Variants in TTC17 observed in about 807,000 individuals in gnomAD.
The protein encoded by TTC17 is tetratricopeptide repeat protein 17.
In TTC17, 58 loss-of-function variants were observed where a neutral mutation model predicts 143.8. The ratio of observed to expected loss-of-function variants is 0.40; its 90% CI spans 0.33 to 0.50. The LOEUF (loss-of-function observed/expected upper bound fraction) is 0.50. TTC17 is among the 20% of genes least tolerant of loss of function. TTC17 has a pLI of 0.49. For missense variants in TTC17, 1,273 were observed against 1,392.5 expected (o/e 0.91, Z 1.37); for synonymous variants, 501 against 497.8 (o/e 1.01, Z -0.09).
intron 16 of TTC17, among the ~76,000 whole-genome samples, chr11:43,427,310 G>A (rs1393288612): frequency 6.6e-6 from 1 of 152,194 alleles, no homozygotes; most frequent in African/African-American, 2.4e-5. Flanking sequence ...TTGTATGCTT[G>A]TTCTGAGTTT....
intron 13 of TTC17, among the ~76,000 whole-genome samples, chr11:43,406,602 C>CT (rs1487152398): frequency 1.3e-5 from 2 of 151,340 alleles, no homozygotes; most frequent in Non-Finnish European, 2.9e-5. Context: ...ACTATAGGCA[C>CT]TTACTGTTAC....
chr11:43,440,174 G>A (rs1025306965), intron 16 of TTC17, among the ~76,000 whole-genome samples: 1 of 152,130 alleles, frequency 6.6e-6, no homozygotes, highest in African/African-American at 2.4e-5. Flanking sequence ...CAGTTGTGTA[G>A]GACAGTGTTC....
chr11:43,421,634 C>T (rs768755803), intron 16 of TTC17, among the ~76,000 whole-genome samples: 18 of 152,174 alleles, frequency 1.2e-4, no homozygotes, highest in Admixed American at 3.3e-4. Context: ...CTAGGTTACA[C>T]GATCCTTATG....
rs999782527 is a variant in TTC17, at chr11:43,424,407, T to TA, written c.2251+9637dup. 4.0e-4 allele frequency among the ~76,000 whole-genome samples: 61 copies of TA among 152,012 alleles called. 1 individual carries two copies. The highest frequency in any genetic ancestry group is 4.4e-5 in the Non-Finnish European group (3 of 67,988). On this transcript the variant is annotated intron_variant, in intron 16 of 23. Coordinates refer to ENST00000039989, the MANE Select transcript of TTC17 (RefSeq NM_018259.6). Reference sequence around the variant, plus strand: ...CTGTGCCCGGCCAAGAATCATTCTTTAAAAAACATGTAATAATAATAGAAC... The same window carrying TA: ...CTGTGCCCGGCCAAGAATCATTCTTTAAAAAAACATGTAATAATAATAGAAC...
At chr11:43,421,292 A>C (rs182710243) in intron 16 of TTC17, among the ~76,000 whole-genome samples, 1 of 152,352 alleles carries the variant, frequency 6.6e-6, no homozygotes, top group East Asian at 1.9e-4. Flanking sequence ...GCAAATGTTC[A>C]TGTTAGGAAT....
At chr11:43,448,195 C>A in intron 19 of TTC17, 73 bp downstream of exon 19, 4 of 1,569,376 alleles carry the variant, frequency 2.5e-6, no homozygotes, top group Non-Finnish European at 3.5e-6. Context: ...TAAGGATCCC[C>A]TCTTAGCAGC....
intron 22 of TTC17, 33 bp from the exon 23 acceptor site, chr11:43,491,987 T>C (rs1323895847): frequency 6.2e-7 from 1 of 1,608,240 alleles, no homozygotes; most frequent in Non-Finnish European, 8.5e-7. Context: ...AAAACCCAAT[T>C]TTCCCTTCTC....
intron 16 of TTC17, among the ~76,000 whole-genome samples, chr11:43,429,437 A>C (rs1590404398): frequency 6.6e-6 from 1 of 152,184 alleles, no homozygotes; most frequent in Admixed American, 6.5e-5. Context: ...TCCCTCAGCT[A>C]TACCTGTTAC....
rs184122719 is a variant in TTC17 at position 43,463,903 on chromosome 11, A to G, written c.3030+12638A>G. On this transcript the variant is annotated intron_variant, in intron 21 of 23. Coordinates refer to ENST00000039989, the MANE Select transcript of TTC17 (RefSeq NM_018259.6). ...AATAAAAGACTAATTGCATATGGCA[A>G]TTTCGAATACTGTAAAGGCAGCATC... 6.6e-5 allele frequency among the ~76,000 whole-genome samples: 10 copies of G among 152,360 alleles called. No individual in the cohort carries two copies. The East Asian group carries it at 1.2e-3, about 18-fold the overall frequency.
chr11:43,471,033 A>G (rs1283536683), intron 21 of TTC17, among the ~76,000 whole-genome samples: 2 of 152,184 alleles, frequency 1.3e-5, no homozygotes, highest in African/African-American at 4.8e-5. Flanking sequence ...TCACATTGAC[A>G]TTAATTGTCA....
chr11:43,385,106 G>A (rs1001224386), intron 2 of TTC17, among the ~76,000 whole-genome samples: 12 of 152,252 alleles, frequency 7.9e-5, no homozygotes, highest in African/African-American at 2.4e-4. Context: ...CAGAGGAAGC[G>A]ATTTTGCAGA....
In TTC17 at chr11:43,407,511, T is replaced by A; in HGVS notation, c.1998T>A (p.Ile666=). 4 of 1,614,054 alleles carry A rather than the reference T, an allele frequency of 2.5e-6. No homozygotes were observed. Among genetic ancestry groups the A allele is most frequent in the Non-Finnish European group, 3.4e-6 (4 of 1,179,986 alleles). ...TTGTCAACTTGGCCAACCTTTTGAT[T>A]CATTACGGCCTTCATCTTGATGCCA... is the stretch of plus-strand genomic sequence containing the variant. ...VPLVNLANLL[I]HYGLHLDATK... The change falls in exon 15 of 24, where the codon ATT becomes ATA. Residue 666 remains isoleucine (I), a synonymous_variant. Coordinates refer to ENST00000039989, the MANE Select transcript of TTC17 (RefSeq NM_018259.6).
intron 1 of TTC17, among the ~76,000 whole-genome samples, chr11:43,374,931 A>G (rs1351149552): frequency 6.6e-6 from 1 of 152,196 alleles, no homozygotes; most frequent in African/African-American, 2.4e-5. Context: ...TAAGAGCCAC[A>G]GTAGTAATAA....
intron 21 of TTC17, chr11:43,466,896 C>T (rs377730581): frequency 2.2e-5 from 5 of 228,572 alleles, no homozygotes; most frequent in African/African-American, 6.9e-5. Context: ...TGTGTTTTAT[C>T]TTAACCACCA....
chr11:43,394,559 G>A (rs1178028524), intron 5 of TTC17, among the ~76,000 whole-genome samples: 3 of 152,058 alleles, frequency 2.0e-5, no homozygotes, highest in Admixed American at 1.3e-4. Context: ...GGGGATTGAA[G>A]GCAAAAGAGG....
intron 19 of TTC17, chr11:43,449,326 CTG>C (rs1363306303): frequency 2.6e-5 from 4 of 152,284 alleles, no homozygotes; most frequent in African/African-American, 2.4e-5. Context: ...ATTGTTCTCA[CTG>C]TGGGTTCTCA....
chr11:43,466,587 C>T (rs1277425895), intron 21 of TTC17: 1 of 286,292 alleles, frequency 3.5e-6, no homozygotes, highest in Non-Finnish European at 7.1e-6. Flanking sequence ...TGACTTCACA[C>T]CCCATAATGG....
At chr11:43,426,835 C>G (rs1274976387) in intron 16 of TTC17, among the ~76,000 whole-genome samples, 2 of 152,170 alleles carry the variant, frequency 1.3e-5, no homozygotes, top group African/African-American at 4.8e-5. Context: ...CAGCCTTGCT[C>G]TATATCCTTG....
At chr11:43,486,337 G>A (rs1274360379) in intron 21 of TTC17, 14 of 411,502 alleles carry the variant, frequency 3.4e-5, no homozygotes, top group East Asian at 2.1e-4. Context: ...GTGAATCATC[G>A]TGTAGAAGCT....
Sources: allele counts gnomAD v4.1 joint callset (sites outside exome capture counted in the v4.1 genomes callset), GRCh38; gene constraint gnomAD v4.1.1; transcripts MANE v1.5; gene names NCBI Gene and HGNC (gene_info 2026-07-23, HGNC 2026-07-21).